SPAG16: variants seen among roughly 807,000 people sequenced by gnomAD.
SPAG16 encodes the protein sperm associated antigen 16, also known as sperm-associated antigen 16 protein.
A neutral mutation model predicts 80.4 loss-of-function variants in SPAG16; 86 were observed. The observed-to-expected ratio is 1.07, with a 90% confidence interval of 0.90 to 1.28. SPAG16 has a LOEUF of 1.28. SPAG16 is among the 50% of genes most tolerant of loss of function. SPAG16 has a pLI of 0.00. For synonymous variants in SPAG16, 294 were observed against 265.9 expected, an observed-to-expected ratio of 1.11 and a Z score of -1.03; for missense variants, 870 against 765.3, an observed-to-expected ratio of 1.14 and a Z score of -1.61.
At chr2:213,301,265 T>A (rs1408091755) in intron 3 of SPAG16, among the ~76,000 whole-genome samples, 2 of 152,132 alleles carry the variant, frequency 1.3e-5, no homozygotes, top group Admixed American at 1.3e-4. Flanking sequence ...CCAGGCTCCT[T>A]GTACTCAAAG....
At chr2:213,987,515 C>T (rs144633769) in intron 12 of SPAG16, among the ~76,000 whole-genome samples, 16 of 152,138 alleles carry the variant, frequency 1.1e-4, no homozygotes, top group Non-Finnish European at 2.1e-4. Flanking sequence ...TTTCCAAATT[C>T]AGCTCCCTAA....
At chr2:213,586,198 C>T (rs1400957155) in intron 10 of SPAG16, among the ~76,000 whole-genome samples, 1 of 152,118 alleles carries the variant, frequency 6.6e-6, no homozygotes, top group East Asian at 1.9e-4. Flanking sequence ...TATGATGAGC[C>T]AGTATCTTAG....
intron 11 of SPAG16, among the ~76,000 whole-genome samples, chr2:213,902,039 A>C (rs1211293849): frequency 6.6e-6 from 1 of 152,192 alleles, no homozygotes; most frequent in Non-Finnish European, 1.5e-5. Flanking sequence ...AACAGGTATA[A>C]CAGCTGGGTT....
intron 8 of SPAG16, among the ~76,000 whole-genome samples, chr2:213,373,633 T>C (rs1305836461): frequency 1.3e-5 from 2 of 152,196 alleles, no homozygotes; most frequent in Non-Finnish European, 2.9e-5. Flanking sequence ...CTACATGAGA[T>C]CTGCTTATAT....
intron 15 of SPAG16, among the ~76,000 whole-genome samples, chr2:214,178,079 T>G (rs2057186027): frequency 6.9e-6 from 1 of 145,512 alleles, no homozygotes; most frequent in South Asian, 2.1e-4. Flanking sequence ...TTCAAATACA[T>G]TTACACAGAA....
intron 9 of SPAG16, chr2:213,422,521 C>T: frequency 4.1e-6 from 2 of 490,976 alleles, no homozygotes; most frequent in Non-Finnish European, 3.7e-6. Context: ...CACAGCCTAC[C>T]AGGCCGAGTG....
chr2:213,342,987 T>C (rs2064779776), intron 6 of SPAG16, among the ~76,000 whole-genome samples: 1 of 151,842 alleles, frequency 6.6e-6, no homozygotes, highest in East Asian at 1.9e-4. Flanking sequence ...GCTGCAGAGG[T>C]AGCTGGAACT....
intron 10 of SPAG16, among the ~76,000 whole-genome samples, chr2:213,812,361 T>C (rs2072216215): frequency 6.6e-6 from 1 of 152,234 alleles, no homozygotes; most frequent in African/African-American, 2.4e-5. Flanking sequence ...AGGAAGCTAT[T>C]TGTCTCTGAC....
chr2:214,136,575 C>T (rs2055064036), intron 14 of SPAG16, among the ~76,000 whole-genome samples: 1 of 152,194 alleles, frequency 6.6e-6, no homozygotes, highest in African/African-American at 2.4e-5. Context: ...TAATGCCTAA[C>T]AGACTGATGA....
At chr2:213,503,092 G>T (rs959485558) in intron 10 of SPAG16, among the ~76,000 whole-genome samples, 1 of 152,066 alleles carries the variant, frequency 6.6e-6, no homozygotes, top group East Asian at 1.9e-4. Context: ...TAATAGTACC[G>T]ATTACTATGT....
chr2:213,810,859 A>G (rs2072108746), intron 10 of SPAG16, among the ~76,000 whole-genome samples: 1 of 152,190 alleles, frequency 6.6e-6, no homozygotes, highest in Non-Finnish European at 1.5e-5. Context: ...GTAATAGATA[A>G]TATTTCAAAG....
intron 1 of SPAG16, among the ~76,000 whole-genome samples, chr2:213,291,346 T>C (rs1034765140): frequency 6.6e-6 from 1 of 152,230 alleles, no homozygotes; most frequent in African/African-American, 2.4e-5. Context: ...CAAACATAAG[T>C]GTCAAAGTAC....
intron 13 of SPAG16, among the ~76,000 whole-genome samples, chr2:214,059,618 C>T (rs2125171703): frequency 6.6e-6 from 1 of 152,028 alleles, no homozygotes; most frequent in East Asian, 1.9e-4. Context: ...GTTTGATGGT[C>T]CTCATTCATT....
chr2:213,751,566 G>A (rs1036542390), intron 10 of SPAG16, among the ~76,000 whole-genome samples: 1 of 152,122 alleles, frequency 6.6e-6, no homozygotes, highest in African/African-American at 2.4e-5. Context: ...CTTACCGTCA[G>A]CCTCCTGTTG....
At chr2:213,513,438 A>G (rs2075305774) in intron 10 of SPAG16, among the ~76,000 whole-genome samples, 1 of 151,898 alleles carries the variant, frequency 6.6e-6, no homozygotes, top group South Asian at 2.1e-4. Context: ...TTTATTTCTC[A>G]TTCAAACCTG....
intron 6 of SPAG16, among the ~76,000 whole-genome samples, chr2:213,341,970 CT>C (rs1290069660): frequency 1.3e-5 from 2 of 152,038 alleles, no homozygotes; most frequent in African/African-American, 2.4e-5. Flanking sequence ...TAGACACACC[CT>C]TTAAAATAGA....
intron 15 of SPAG16, among the ~76,000 whole-genome samples, chr2:214,156,539 G>A (rs2056222116): frequency 6.6e-6 from 1 of 152,134 alleles, no homozygotes; most frequent in Admixed American, 6.6e-5. Flanking sequence ...GAGTACTTTG[G>A]GAGGTTGAGG....
At chr2:213,325,435 A>G (rs747958878) in intron 5 of SPAG16, among the ~76,000 whole-genome samples, 208 of 152,200 alleles carry the variant, frequency 1.4e-3, no homozygotes, top group Non-Finnish European at 2.6e-3. Flanking sequence ...CTATAGGAAT[A>G]CATAATTGTT....
chr2:213,321,967 G>T (rs1258779568), intron 5 of SPAG16, among the ~76,000 whole-genome samples: 1 of 151,884 alleles, frequency 6.6e-6, no homozygotes, highest in Admixed American at 6.6e-5. Context: ...CTTAAAGCAG[G>T]TGACCACAGT....
Sources: gnomAD v4.1 joint callset for allele counts (sites outside exome capture counted in the v4.1 genomes callset) on GRCh38, gnomAD v4.1.1 for gene constraint, MANE v1.5 for transcripts, NCBI Gene and HGNC (gene_info 2026-07-23, HGNC 2026-07-21) for gene names.